Variants in ANO7 observed in about 807,000 individuals in gnomAD.
The protein encoded by ANO7 is anoctamin 7, also known as anoctamin-7.
In ANO7, 114 loss-of-function variants were observed where a neutral mutation model predicts 115.8. The ratio of observed to expected loss-of-function variants is 0.98; its 90% confidence interval spans 0.85 to 1.15. The LOEUF (loss-of-function observed/expected upper bound fraction) is 1.15, where lower values mean the gene tolerates loss of function less well. ANO7 is among the 50% of genes most tolerant of loss of function. The pLI, the probability that ANO7 is intolerant of heterozygous loss-of-function variation, is 0.00. For synonymous variants in ANO7, 550 were observed against 498.2 expected, an observed-to-expected ratio of 1.10 and a Z score of -1.38; for missense variants, 1,302 against 1,201.2, an observed-to-expected ratio of 1.08 and a Z score of -1.24.
chr2:241,201,783 C>T (rs1183648202), intron 7 of ANO7, among the ~76,000 whole-genome samples: 2 of 152,196 alleles, frequency 1.3e-5, no homozygotes, highest in South Asian at 2.1e-4. Context: ...CTGACCACCA[C>T]AGGGCACACA....
rs556111997 is a variant in ANO7, at chr2:241,223,682, C to T, written c.2433C>T (p.Gly811=). The T allele has an allele frequency of 3.8e-5, 61 of 1,613,186 alleles. No homozygotes were observed. In the South Asian group the frequency reaches 6.5e-4, roughly 17 times the overall value. ...CCCAGCATGTGGTTTTCTCCGTTGG[C>T]CGCCTCCTGGACCTCCTGGTGCCTG... ...IVFEHVVFSV[G]RLLDLLVPDI... is the part of the protein sequence containing the mutation. Residue 811 remains glycine, a synonymous_variant, in exon 23 of 25, where the codon GGC becomes GGT. Coordinates refer to ENST00000674324, the MANE Select transcript of ANO7 (RefSeq NM_001370694.2).
At chr2:241,228,018 C>T (rs1461046021), downstream of ANO7, 1 of 152,238 alleles carries the variant, frequency 6.6e-6, no homozygotes, top group Non-Finnish European at 1.5e-5. Flanking sequence ...GGGGACTTGC[C>T]GAGGCAGCTG....
intron 15 of ANO7, 63 bp from the exon 16 acceptor site, chr2:241,212,031 G>A (rs1325289406): frequency 7.4e-7 from 1 of 1,356,410 alleles, no homozygotes; most frequent in African/African-American, 1.4e-5. Context: ...CCTAGGAGAG[G>A]GGGCCCCTAG....
intron 15 of ANO7, 55 bp downstream of exon 15, chr2:241,210,625 C>T: frequency 6.8e-7 from 1 of 1,466,820 alleles, no homozygotes; most frequent in Non-Finnish European, 9.5e-7. Flanking sequence ...TGCCGGCCGC[C>T]AGCCAGAACG....
the ANO7 span, chr2:241,235,614 G>C: frequency 6.4e-7 from 1 of 1,574,620 alleles, no homozygotes; most frequent in South Asian, 1.1e-5. Flanking sequence ...GGATGGTCAT[G>C]GTTAGGCCGT....
chr2:241,228,828 A>G (rs1467428341), downstream of ANO7: 1 of 152,732 alleles, frequency 6.5e-6, no homozygotes, highest in African/African-American at 2.4e-5. Flanking sequence ...ACCTCCCCCA[A>G]CCTGTGCGCA....
Position 241,201,223 on chromosome 2 carries a change from T to A in ANO7, c.555-75T>A, listed in dbSNP as rs143550820. Reference sequence around the variant, plus strand: ...TCTGCACCGTTCACATGCCCGCAGCTTCCTCCAAACCTTCTGCACCGTTCA... The same window carrying A: ...TCTGCACCGTTCACATGCCCGCAGCATCCTCCAAACCTTCTGCACCGTTCA... On this transcript the variant is annotated intron_variant, in intron 6 of 24. Transcript: ENST00000674324. 260 of 1,477,980 alleles carry A rather than the reference T, an allele frequency of 1.8e-4. 1 individual carries two copies. The East Asian group carries it at 0.011, about 61-fold the overall frequency. 91.6% of individuals were successfully genotyped at this position (1,477,980 alleles called of 1,614,324 possible).
rs987015570 is a variant in ANO7, at chr2:241,198,260, G to T, written c.310-1056G>T. Among the ~76,000 whole-genome samples the T allele has an allele frequency of 3.9e-5, 6 of 152,146 alleles. No homozygotes were observed. In the East Asian group the frequency reaches 1.2e-3, roughly 29 times the overall value. On this transcript the variant is annotated intron_variant, in intron 4 of 24. Coordinates refer to ENST00000674324, the MANE Select transcript of ANO7 (RefSeq NM_001370694.2). ...ACCCCAGGGTGCCCCTCCCTGCCCC[G>T]CTCTCCCTGGCTTCCTTCCAGTCCT...
downstream of ANO7, among the ~76,000 whole-genome samples, chr2:241,226,079 A>C (rs893860041): frequency 6.6e-6 from 1 of 152,078 alleles, no homozygotes; most frequent in Admixed American, 6.6e-5. Context: ...GGCAAGTTCC[A>C]CATCACCCGA....
At position 241,205,509 on chromosome 2, in the gene ANO7, GTCT is replaced by G. The variant is rs1186701017; in HGVS notation, c.980+555_980+557del. Among the ~76,000 whole-genome samples the G allele has an allele frequency of 9.8e-3, 1,378 of 140,566 alleles. 374 individuals are homozygous for G. The highest frequency in any genetic ancestry group is 0.043 in the Admixed American group (575 of 13,330). 92.2% of individuals were successfully genotyped at this position (140,566 alleles called of 152,430 possible). A position where few individuals can be genotyped will look rare whatever the true frequency, so the allele number is the denominator to read the frequency against. On this transcript the variant is annotated intron_variant, in intron 10 of 24. Coordinates refer to ENST00000674324, the MANE Select transcript of ANO7 (RefSeq NM_001370694.2). ...ACACAGGTGGACAGGAGTGCTCCCA[GTCT>G]GACAGGTGGACAGGAGTGCTCCAAG...
chr2:241,235,672 C>T, the ANO7 span: 50 of 988,170 alleles, frequency 5.1e-5, no homozygotes, highest in Admixed American at 1.9e-4. Context: ...TGGGGCTCCA[C>T]GAAACACAAG....
At chr2:241,239,774 C>T in the ANO7 span, 4 of 1,614,076 alleles carry the variant, frequency 2.5e-6, no homozygotes, top group East Asian at 2.2e-5. This position sits in a 1 kb window ranked among gnomAD's most constrained non-coding sequence, Gnocchi z 4.6. Flanking sequence ...GACGAAGTGG[C>T]GGTGGTGCTT....
chr2:241,194,704 A>G (rs1441330765), intron 3 of ANO7, among the ~76,000 whole-genome samples: 3 of 152,148 alleles, frequency 2.0e-5, no homozygotes, highest in Non-Finnish European at 4.4e-5. Context: ...ATTCTGTTTT[A>G]TTATTAGTTA....
intron 21 of ANO7, among the ~76,000 whole-genome samples, chr2:241,218,963 A>G (rs2149265048): frequency 6.6e-6 from 1 of 152,358 alleles, no homozygotes; most frequent in Non-Finnish European, 1.5e-5. Context: ...TTTAACCGCC[A>G]GGGCCAGGTG....
At chr2:241,213,292 G>A (rs771396597) in intron 17 of ANO7, among the ~76,000 whole-genome samples, 5 of 152,160 alleles carry the variant, frequency 3.3e-5, no homozygotes, top group Non-Finnish European at 7.3e-5. Flanking sequence ...CGCCATGGCT[G>A]TCAGGGATCT....
intron 3 of ANO7, 32 bp downstream of exon 3, chr2:241,191,283 G>T (rs377248642): frequency 6.2e-7 from 1 of 1,611,498 alleles, no homozygotes; most frequent in Admixed American, 1.7e-5. Context: ...TACCACACCC[G>T]TGTTGGTCCT....
chr2:241,229,878 G>T (rs746474192), downstream of ANO7: 1 of 1,530,872 alleles, frequency 6.5e-7, no homozygotes, highest in Non-Finnish European at 8.8e-7. Flanking sequence ...GCACCACAAA[G>T]CCTCTGGAAG....
intron 1 of ANO7, among the ~76,000 whole-genome samples, chr2:241,189,837 C>G (rs981819417): frequency 6.6e-6 from 1 of 152,180 alleles, no homozygotes; most frequent in Non-Finnish European, 1.5e-5. Flanking sequence ...GCCTGCCAGA[C>G]GCTCCCGCCC....
intron 3 of ANO7, among the ~76,000 whole-genome samples, chr2:241,193,317 G>A (rs534460031): frequency 2.4e-4 from 36 of 152,202 alleles, no homozygotes; most frequent in African/African-American, 3.4e-4. Flanking sequence ...TGATCCGCCC[G>A]CCTTGGCCTC....
Sources: gnomAD v4.1 joint callset for allele counts (sites outside exome capture counted in the v4.1 genomes callset) on GRCh38, gnomAD v4.1.1 for gene constraint, Gnocchi (gnomAD v3.1) non-coding constraint, MANE v1.5 for transcripts, NCBI Gene and HGNC (gene_info 2026-07-23, HGNC 2026-07-21) for gene names.